PDZD2: variants seen among roughly 807,000 people sequenced by gnomAD.
PDZD2 encodes PDZ domain-containing protein 2.
A neutral mutation model predicts 220.7 loss-of-function variants in PDZD2; 90 were observed. That is an observed-to-expected ratio of 0.41 (90% CI 0.34 to 0.49). PDZD2 has a LOEUF of 0.49. Ranked by LOEUF, PDZD2 falls within the 20% of genes least tolerant of loss-of-function variation. The pLI is 0.28. For missense variants in PDZD2, 3,174 were observed against 3,608.5 expected (o/e 0.88, Z 3.08); for synonymous variants, 1,375 against 1,450.5 (o/e 0.95, Z 1.18).
Position 32,057,982 on chromosome 5 carries a change from G to T in PDZD2, c.2079G>T (p.Pro693=). 2 of 1,613,494 alleles carry T rather than the reference G, an allele frequency of 1.2e-6. No homozygotes were observed. Among genetic ancestry groups the T allele is most frequent in the Non-Finnish European group, 1.7e-6 (2 of 1,179,560 alleles). ...TPTHMSRSAS[P]NFNTSGGASA... is the part of the protein sequence containing the mutation. ...CACACATGAGCAGATCCGCCTCCCC[G>T]AACTTCAATACCAGTGGGGGAGCCT... The change falls in exon 12 of 25, where the codon CCG becomes CCT. Residue 693 remains proline, a synonymous_variant. Coordinates refer to ENST00000438447, the MANE Select transcript of PDZD2 (RefSeq NM_178140.4).
Position 31,947,830 on chromosome 5 carries a change from G to T in PDZD2, c.477-35325G>T, listed in dbSNP as rs115065640. Among the ~76,000 whole-genome samples the T allele has an allele frequency of 4.7e-3, 720 of 152,052 alleles. 5 individuals are homozygous for T. The highest frequency in any genetic ancestry group is 6.4e-3 in the Non-Finnish European group (435 of 67,970). ...TGACCTGGTCTATGCGTCTGTTGGT[G>T]GGGGGTGGTGGATGGGGACAGTGAG... On this transcript the variant is annotated intron_variant, in intron 2 of 24. Transcript: ENST00000438447.
intron 19 of PDZD2, among the ~76,000 whole-genome samples, chr5:32,081,497 T>C (rs2112438760): frequency 6.6e-6 from 1 of 152,340 alleles, no homozygotes. Context: ...CCTCAAGGGC[T>C]TTTGGGGTGT....
chr5:31,970,471 C>T (rs534473363), intron 2 of PDZD2, among the ~76,000 whole-genome samples: 104 of 152,084 alleles, frequency 6.8e-4, no homozygotes, highest in African/African-American at 2.3e-3. Flanking sequence ...GCCTGGCCAA[C>T]GTGAAGAAAC....
intron 6 of PDZD2, among the ~76,000 whole-genome samples, chr5:32,022,513 G>A (rs1348960099): frequency 1.3e-5 from 2 of 151,826 alleles, no homozygotes; most frequent in Non-Finnish European, 2.9e-5. Flanking sequence ...AGCCATTTCT[G>A]TACTTTTCAT....
chr5:31,640,796 T>C (rs1203736419), intron 1 of PDZD2, among the ~76,000 whole-genome samples: 1 of 151,752 alleles, frequency 6.6e-6, no homozygotes, highest in Admixed American at 6.6e-5. Context: ...CCTTCTTCCA[T>C]TAGGATGGGC....
intron 2 of PDZD2, among the ~76,000 whole-genome samples, chr5:31,978,102 AATTG>A (rs1243752342): frequency 6.6e-6 from 1 of 152,228 alleles, no homozygotes; most frequent in African/African-American, 2.4e-5. Flanking sequence ...AATAAATCTT[AATTG>A]AATTAATAAT....
Position 31,759,303 on chromosome 5 carries a change from C to T in PDZD2, c.-360-39586C>T, listed in dbSNP as rs532064436. On this transcript the variant is annotated intron_variant, in intron 1 of 24. Coordinates refer to ENST00000438447, the MANE Select transcript of PDZD2 (RefSeq NM_178140.4). ...GAACAGCTGGTAGTGCACACACACC[C>T]GGCTCTTCGAGGCTTCGGGGGGAGT... 4.6e-5 allele frequency among the ~76,000 whole-genome samples: 7 copies of T among 152,224 alleles called. No individual in the cohort carries two copies. The South Asian group carries it at 1.0e-3, about 23-fold the overall frequency.
At chr5:31,641,412 G>T (rs994910616) in intron 1 of PDZD2, among the ~76,000 whole-genome samples, 1 of 152,202 alleles carries the variant, frequency 6.6e-6, no homozygotes, top group Non-Finnish European at 1.5e-5. Context: ...CTTTGTGGAG[G>T]AGCTCTTAGG....
At chr5:32,039,186 A>T (rs1190558513) in intron 7 of PDZD2, among the ~76,000 whole-genome samples, 1 of 149,594 alleles carries the variant, frequency 6.7e-6, no homozygotes, top group Non-Finnish European at 1.5e-5. Flanking sequence ...GCTCGCTGCA[A>T]CCTCCCTGCC....
chr5:32,012,201 C>T (rs1017261577), intron 6 of PDZD2, among the ~76,000 whole-genome samples: 79 of 152,232 alleles, frequency 5.2e-4, no homozygotes, highest in African/African-American at 1.6e-3. Flanking sequence ...GATCTCATTG[C>T]TCAGCAGTTG....
At chr5:32,048,356 C>T (rs4867416) in intron 7 of PDZD2, among the ~76,000 whole-genome samples, 183 bp from the exon 8 acceptor site, 25,453 of 152,158 alleles carry the variant, frequency 0.17, 2,500 homozygotes, top group Non-Finnish European at 0.21. Context: ...GGCTTCAGCA[C>T]GTAACTAGCT....
intron 1 of PDZD2, among the ~76,000 whole-genome samples, chr5:31,670,563 C>T (rs1391039532): frequency 6.6e-6 from 1 of 151,978 alleles, no homozygotes; most frequent in African/African-American, 2.4e-5. Context: ...ATTACAGGCA[C>T]CCGCCACCAC....
chr5:31,976,413 T>C (rs1487295423), intron 2 of PDZD2, among the ~76,000 whole-genome samples: 4 of 152,184 alleles, frequency 2.6e-5, no homozygotes, highest in African/African-American at 9.6e-5. Context: ...GCACAAACAA[T>C]TAATTGCTCT....
chr5:32,002,133 G>T (rs181194825), intron 5 of PDZD2, among the ~76,000 whole-genome samples: 1 of 152,258 alleles, frequency 6.6e-6, no homozygotes, highest in Non-Finnish European at 1.5e-5. Context: ...AACATTTTGG[G>T]CTATCCAAAA....
intron 1 of PDZD2, among the ~76,000 whole-genome samples, chr5:31,731,495 T>A (rs998850408): frequency 1.3e-5 from 2 of 152,290 alleles, no homozygotes; most frequent in Non-Finnish European, 1.5e-5. Context: ...CCTCTGCAGC[T>A]CTTGGCAACC....
At chr5:31,881,800 C>T (rs1012254670) in intron 2 of PDZD2, among the ~76,000 whole-genome samples, 17 of 151,554 alleles carry the variant, frequency 1.1e-4, no homozygotes, top group Non-Finnish European at 2.1e-4. Flanking sequence ...ACTGCATCTC[C>T]GCCTCCTGGG....
At position 31,871,477 on chromosome 5, in the gene PDZD2, A is replaced by G. The variant is rs186425588; in HGVS notation, c.476+71753A>G. Among the ~76,000 whole-genome samples, 41 of 152,320 alleles carry G rather than the reference A, an allele frequency of 2.7e-4. No homozygotes were observed. The East Asian group carries it at 7.1e-3, about 27-fold the overall frequency. ...CTTGAGCTTTTTTTGTTGTTGAGAC[A>G]GTCTCGCTCTGTCATCCAGGCTGGA... On this transcript the variant is annotated intron_variant, in intron 2 of 24. Transcript: ENST00000438447.
At chr5:31,656,044 C>T (rs1200497950) in intron 1 of PDZD2, among the ~76,000 whole-genome samples, 3 of 152,214 alleles carry the variant, frequency 2.0e-5, no homozygotes, top group Non-Finnish European at 2.9e-5. Context: ...CTTCGATGCA[C>T]AGGCATAGAC....
At chr5:31,716,329 G>A (rs980001990) in intron 1 of PDZD2, among the ~76,000 whole-genome samples, 1 of 152,162 alleles carries the variant, frequency 6.6e-6, no homozygotes, top group Non-Finnish European at 1.5e-5. Flanking sequence ...CTATCATGAA[G>A]AAAGAAGCTT....
Sources: allele counts gnomAD v4.1 joint callset (sites outside exome capture counted in the v4.1 genomes callset), GRCh38; gene constraint gnomAD v4.1.1; transcripts MANE v1.5; gene names NCBI Gene and HGNC (gene_info 2026-07-23, HGNC 2026-07-21).